GINS3: variants seen among roughly 807,000 people sequenced by gnomAD.
The protein encoded by GINS3 is DNA replication complex GINS protein PSF3.
A neutral mutation model predicts 20.0 loss-of-function variants in GINS3; 18 were observed. That is an observed-to-expected ratio of 0.90 (90% CI 0.62 to 1.33). The LOEUF is 1.33. GINS3 is among the 40% of genes most tolerant of loss of function. GINS3 has a pLI of 0.00. For missense variants in GINS3, 254 were observed against 273.6 expected (o/e 0.93, Z 0.51); for synonymous variants, 109 against 107.0 (o/e 1.02, Z -0.12).
intron 1 of GINS3, among the ~76,000 whole-genome samples, chr16:58,395,646 G>C (rs370387752): frequency 5.3e-5 from 8 of 152,234 alleles, no homozygotes; most frequent in South Asian, 4.2e-4. Flanking sequence ...ACAGGGTTGG[G>C]GGTAAGGTCA....
At chr16:58,395,076 A>ATTTT in intron 1 of GINS3, 24 of 457,842 alleles carry the variant, frequency 5.2e-5, no homozygotes, top group South Asian at 2.5e-4. Context: ...ATTTTATCTA[A>ATTTT]TTTTTTTTTT....
intron 1 of GINS3, among the ~76,000 whole-genome samples, chr16:58,396,873 G>A (rs1965878468): frequency 1.4e-5 from 2 of 146,190 alleles, no homozygotes; most frequent in South Asian, 4.3e-4. Flanking sequence ...GGACGGGGCG[G>A]CTGGCCGGGC....
At chr16:58,397,112 G>A (rs1301970331) in intron 1 of GINS3, among the ~76,000 whole-genome samples, 1 of 151,500 alleles carries the variant, frequency 6.6e-6, no homozygotes, top group Non-Finnish European at 1.5e-5. Context: ...GGGCGGAGAC[G>A]CTCCTCACTT....
intron 1 of GINS3, among the ~76,000 whole-genome samples, chr16:58,401,103 C>T (rs1255684052): frequency 1.3e-5 from 2 of 152,020 alleles, no homozygotes; most frequent in South Asian, 4.2e-4. Flanking sequence ...GAATTGGTTC[C>T]TTCAGGTGGG....
At chr16:58,395,664 A>T (rs1039922329) in intron 1 of GINS3, among the ~76,000 whole-genome samples, 3 of 152,232 alleles carry the variant, frequency 2.0e-5, no homozygotes, top group African/African-American at 7.2e-5. Context: ...TCACAGATCA[A>T]CAGGATCCCA....
intron 1 of GINS3, among the ~76,000 whole-genome samples, chr16:58,400,971 T>G (rs1274756535): frequency 1.3e-5 from 2 of 152,022 alleles, no homozygotes; most frequent in African/African-American, 4.8e-5. Context: ...CCCACCACTA[T>G]GCCTGGCTAA....
intron 1 of GINS3, among the ~76,000 whole-genome samples, chr16:58,400,286 G>C (rs959225123): frequency 2.0e-5 from 3 of 152,226 alleles, no homozygotes; most frequent in Non-Finnish European, 4.4e-5. Flanking sequence ...GCTTCCAAGA[G>C]TCCTCTCCTA....
intron 1 of GINS3, chr16:58,395,337 A>ATT (rs71155263): frequency 3.2e-4 from 53 of 166,982 alleles, no homozygotes; most frequent in African/African-American, 9.5e-4. Context: ...ATATATATAT[A>ATT]TTTTTTTTTT....
intron 1 of GINS3, among the ~76,000 whole-genome samples, chr16:58,398,138 AC>A (rs1965908401): frequency 6.6e-6 from 1 of 150,480 alleles, no homozygotes; most frequent in Non-Finnish European, 1.5e-5. Flanking sequence ...TTCTCCCACC[AC>A]ACACACACAC....
intron 1 of GINS3, among the ~76,000 whole-genome samples, chr16:58,401,882 C>T (rs182197804): frequency 6.6e-6 from 1 of 152,226 alleles, no homozygotes; most frequent in East Asian, 1.9e-4. Flanking sequence ...AGTATTTATT[C>T]TATTAATACT....
intron 2 of GINS3, 26 bp from the exon 3 acceptor site, chr16:58,404,473 A>G (rs1305462713): frequency 2.6e-6 from 4 of 1,524,596 alleles, no homozygotes; most frequent in Non-Finnish European, 3.6e-6. Flanking sequence ...GTCAACCCTG[A>G]CTTGTCTTAC....
intron 1 of GINS3, 97 bp downstream of exon 1, chr16:58,392,884 G>C (rs1184046569): frequency 7.7e-7 from 1 of 1,305,924 alleles, no homozygotes; most frequent in Non-Finnish European, 1.0e-6. Flanking sequence ...TGCCCTTTGG[G>C]ATTTGTAGTT....
At chr16:58,402,246 C>T (rs1965965840) in intron 1 of GINS3, among the ~76,000 whole-genome samples, 1 of 152,128 alleles carries the variant, frequency 6.6e-6, no homozygotes, top group South Asian at 2.1e-4. Context: ...CATTTGATTT[C>T]TAAGTTTATC....
chr16:58,397,260 A>C (rs1965888976), intron 1 of GINS3, among the ~76,000 whole-genome samples: 1 of 150,316 alleles, frequency 6.7e-6, no homozygotes, highest in East Asian at 2.0e-4. Flanking sequence ...GCAGCAGGGC[A>C]GAGGCACTCC....
intron 1 of GINS3, among the ~76,000 whole-genome samples, chr16:58,398,024 A>T (rs1458173390): frequency 1.3e-5 from 2 of 151,892 alleles, no homozygotes; most frequent in African/African-American, 4.8e-5. Context: ...TTATTCTTTT[A>T]AAAGAACTAA....
At chr16:58,396,169 G>A (rs1417315850) in intron 1 of GINS3, among the ~76,000 whole-genome samples, 1 of 135,266 alleles carries the variant, frequency 7.4e-6, no homozygotes, top group African/African-American at 2.9e-5. Context: ...GGACGGGGCG[G>A]CTGGCCGGGC....
chr16:58,395,820 C>A (rs1337943907), intron 1 of GINS3, among the ~76,000 whole-genome samples: 1 of 152,190 alleles, frequency 6.6e-6, no homozygotes, highest in Non-Finnish European at 1.5e-5. Flanking sequence ...CATTGTCATC[C>A]TGGCCCGTTC....
intron 1 of GINS3, among the ~76,000 whole-genome samples, chr16:58,400,434 T>G (rs1965939561): frequency 6.6e-6 from 1 of 152,238 alleles, no homozygotes; most frequent in Admixed American, 6.5e-5. Context: ...TGGCACTTTC[T>G]GTCTAGCACA....
rs572258963 is a variant in GINS3 at position 58,395,873 on chromosome 16, G to A, written c.186+3086G>A. 1.5e-4 allele frequency among the ~76,000 whole-genome samples: 23 copies of A among 151,958 alleles called. No individual in the cohort carries two copies. The East Asian group carries it at 2.7e-3, about 18-fold the overall frequency. Reference sequence around the variant, plus strand: ...ACACCTCCCAGACGGGGTGGTGGCCGGGCAGAGGGGCTCCTCACTTCCCAG... The same window carrying A: ...ACACCTCCCAGACGGGGTGGTGGCCAGGCAGAGGGGCTCCTCACTTCCCAG... On this transcript the variant is annotated intron_variant, in intron 1 of 2. Coordinates refer to ENST00000318129, the MANE Select transcript of GINS3 (RefSeq NM_022770.4).
Sources: allele counts gnomAD v4.1 joint callset (sites outside exome capture counted in the v4.1 genomes callset), GRCh38; gene constraint gnomAD v4.1.1; transcripts MANE v1.5; gene names NCBI Gene and HGNC (gene_info 2026-07-23, HGNC 2026-07-21).